Variants in KNOP1 observed in about 807,000 individuals in gnomAD.
KNOP1 encodes the protein lysine rich nucleolar protein 1, also known as lysine-rich nucleolar protein 1.
Under a neutral mutation model 30.6 loss-of-function variants are expected in KNOP1, and 20 were observed. The observed-to-expected ratio is 0.65, with a 90% CI of 0.46 to 0.95. The LOEUF (loss-of-function observed/expected upper bound fraction) is 0.95, where lower values mean the gene tolerates loss of function less well. KNOP1 is among the 40% of genes least tolerant of loss of function. The pLI is 0.00. For missense variants in KNOP1, 540 were observed against 562.0 expected (o/e 0.96, Z 0.40); for synonymous variants, 204 against 210.0 (o/e 0.97, Z 0.25).
At position 19,710,581 on chromosome 16, in the gene KNOP1, C is replaced by T; in HGVS notation, c.993G>A (p.Arg331=). ...CGATCTCTTCTTGCAAGGCCTTTCG[C>T]CTCACCTGAGCAAGAAGGATGACAG... ...NMDEAHIDQV[R]RKALQEEIDR... is the part of the protein sequence containing the mutation. Residue 331 remains arginine (R), a synonymous_variant, in exon 4 of 5, where the codon AGG becomes AGA. Coordinates refer to ENST00000219837, the MANE Select transcript of KNOP1 (RefSeq NM_001012991.3). 6.2e-7 allele frequency: 1 copy of T among 1,612,098 alleles called. No homozygotes were observed. The highest frequency in any genetic ancestry group is 8.5e-7 in the Non-Finnish European group (1 of 1,179,910).
Position 19,707,070 on chromosome 16 carries a change from T to C in KNOP1, c.1217A>G (p.Lys406Arg). ...TIARPNMALG[K>R]KAADSLQQNL... ...CTGCTGCAGGCTGTCAGCCGCCTTC[T>C]TGCCGAGGGCCATGTTGGGCCTTGC... The change falls in exon 5 of 5, where the codon AAG becomes AGG. Residue 406 changes from lysine to arginine, a missense_variant. Transcript: ENST00000219837. 4.3e-6 allele frequency: 7 copies of C among 1,614,190 alleles called. No homozygotes were observed. The highest frequency in any genetic ancestry group is 5.9e-6 in the Non-Finnish European group (7 of 1,180,036).
Position 19,703,621 on chromosome 16 carries a change from T to G in KNOP1, c.*3289A>C, listed in dbSNP as rs1406297659. On this transcript the variant is annotated 3_prime_UTR_variant, in exon 5 of 5. Coordinates refer to ENST00000219837, the MANE Select transcript of KNOP1 (RefSeq NM_001012991.3). ...TGTCACCCAGGCTGGAACACAGTGG[T>G]GCAATCATGGCTCACTGCAGCCGTG... The G allele has an allele frequency of 1.3e-5, 2 of 151,196 alleles. No individual in the cohort carries two copies. The highest frequency in any genetic ancestry group is 2.9e-5 in the Non-Finnish European group (2 of 67,880). 9.4% of individuals were successfully genotyped at this position (151,196 alleles called of 1,614,324 possible).
rs775225320 is a variant in KNOP1 at position 19,707,032 on chromosome 16, C to T, written c.1255G>A (p.Asp419Asn). 3 of 1,614,144 alleles carry T rather than the reference C, an allele frequency of 1.9e-6. No individual in the cohort carries two copies. The highest frequency in any genetic ancestry group is 3.3e-5 in the Admixed American group (2 of 60,020). ...TTCCAGCTCATGGCCCGGTCGTAGT[C>T]CCGCTGCAGATTCTGCTGCAGGCTG... ...ADSLQQNLQR[D>N]YDRAMSWKYS... is the part of the protein sequence containing the mutation. Residue 419 changes from aspartate (D) to asparagine (N), a missense_variant, in exon 5 of 5, where the codon GAC becomes AAC. Coordinates refer to ENST00000219837, the MANE Select transcript of KNOP1 (RefSeq NM_001012991.3).
In KNOP1 at chr16:19,705,618, G is replaced by A. The variant is rs778959359; in HGVS notation, c.*1292C>T. ...TCATCAGACACATCCCTGGGGCTGG[G>A]CACAGTGGCTCACACCTGTGATCCC... is the stretch of plus-strand genomic sequence containing the variant. On this transcript the variant is annotated 3_prime_UTR_variant, in exon 5 of 5. Transcript: ENST00000219837. 1 of 245,382 alleles carries A rather than the reference G, an allele frequency of 4.1e-6. No homozygotes were observed. Among genetic ancestry groups the A allele is most frequent in the Non-Finnish European group, 8.0e-6 (1 of 124,278 alleles). The allele number at this position is 245,382 out of a possible 1,614,324, so 15.2% of individuals were successfully genotyped here. A position where few individuals can be genotyped will look rare whatever the true frequency, so the allele number is the denominator to read the frequency against.
chr16:19,705,624 T>C lies in KNOP1; in HGVS notation c.*1286A>G, dbSNP rs570311053. On this transcript the variant is annotated 3_prime_UTR_variant, in exon 5 of 5. Transcript: ENST00000219837. Reference sequence around the variant, plus strand: ...GACACATCCCTGGGGCTGGGCACAGTGGCTCACACCTGTGATCCCAGCTCT... The same window carrying C: ...GACACATCCCTGGGGCTGGGCACAGCGGCTCACACCTGTGATCCCAGCTCT... 1 of 239,336 alleles carries C rather than the reference T, an allele frequency of 4.2e-6. No individual in the cohort carries two copies. Among genetic ancestry groups the C allele is most frequent in the Admixed American group, 5.2e-5 (1 of 19,278 alleles). The allele number at this position is 239,336 out of a possible 1,614,324, so 14.8% of individuals were successfully genotyped here.
In KNOP1 at chr16:19,705,727, A is replaced by C. The variant is rs1976328562; in HGVS notation, c.*1183T>G. On this transcript the variant is annotated 3_prime_UTR_variant, in exon 5 of 5. Transcript: ENST00000219837. ...GACAATATAGTGAGACCCCATCTCT[A>C]CAAAAAATTTTAAACACTAGCTGGT... 1 of 156,090 alleles carries C rather than the reference A, an allele frequency of 6.4e-6. No homozygotes were observed. 9.7% of individuals were successfully genotyped at this position (156,090 alleles called of 1,614,324 possible).
intron 2 of KNOP1, among the ~76,000 whole-genome samples, chr16:19,712,974 T>C (rs1976796771): frequency 6.6e-6 from 1 of 152,104 alleles, no homozygotes; most frequent in Non-Finnish European, 1.5e-5. Flanking sequence ...TCTGTGGTTT[T>C]CACCAAGCCA....
In KNOP1 at chr16:19,705,471, G is replaced by A. The variant is rs1173276819; in HGVS notation, c.*1439C>T. 3.1e-6 allele frequency: 1 copy of A among 324,498 alleles called. No individual in the cohort carries two copies. The highest frequency in any genetic ancestry group is 6.1e-6 in the Non-Finnish European group (1 of 163,984). The allele number at this position is 324,498 out of a possible 1,614,324, so 20.1% of individuals were successfully genotyped here. On this transcript the variant is annotated 3_prime_UTR_variant, in exon 5 of 5. Transcript: ENST00000219837. ...TGCTGTAGAGTCCAGGCTTGGAAAC[G>A]CTGTCCCCACAGCCGATGAGGCAAC...
rs149005860 is a variant in KNOP1 at position 19,709,752 on chromosome 16, C to T, written c.1065+757G>A. On this transcript the variant is annotated intron_variant, in intron 4 of 4. Coordinates refer to ENST00000219837, the MANE Select transcript of KNOP1 (RefSeq NM_001012991.3). ...TGCACCCTGAACATCTCTGGACAAG[C>T]GCTGCCACCTCCCAGCCCTCGCCCA... 1.3e-4 allele frequency among the ~76,000 whole-genome samples: 20 copies of T among 152,314 alleles called. 1 individual carries two copies. The East Asian group carries it at 2.9e-3, about 22-fold the overall frequency.
intron 3 of KNOP1, 90 bp from the exon 4 acceptor site, chr16:19,710,676 G>T: frequency 2.0e-6 from 2 of 1,015,946 alleles, no homozygotes; most frequent in Non-Finnish European, 1.5e-6. Flanking sequence ...TGGGGGAACG[G>T]AACGTGGGAG....
Position 19,703,008 on chromosome 16 carries a change from A to G in KNOP1, c.*3902T>C, listed in dbSNP as rs1170236655. The G allele has an allele frequency of 2.2e-5, 2 of 91,866 alleles. No homozygotes were observed. The highest frequency in any genetic ancestry group is 1.9e-4 in the Admixed American group (2 of 10,554). The allele number at this position is 91,866 out of a possible 1,614,324, so 5.7% of individuals were successfully genotyped here. On this transcript the variant is annotated 3_prime_UTR_variant, in exon 5 of 5. Coordinates refer to ENST00000219837, the MANE Select transcript of KNOP1 (RefSeq NM_001012991.3). ...GAGTGAGACTGTCTCAAAAAAAAAA[A>G]AAGAAAGAAAAACAAAACCATGGCA...
At chr16:19,715,172 T>G (rs1465539765) in intron 1 of KNOP1, 135 bp from the exon 2 acceptor site, 2 of 591,410 alleles carry the variant, frequency 3.4e-6, no homozygotes, top group East Asian at 2.9e-5. Context: ...ACATGATTCC[T>G]TTAAAGCAAA....
intron 1 of KNOP1, 123 bp from the exon 2 acceptor site, chr16:19,715,160 G>A (rs959812556): frequency 1.6e-6 from 1 of 635,616 alleles, no homozygotes; most frequent in Non-Finnish European, 2.6e-6. Flanking sequence ...CAGGGAAAAT[G>A]GACATGATTC....
At chr16:19,713,674 A>G (rs1336859978) in intron 2 of KNOP1, among the ~76,000 whole-genome samples, 1 of 152,194 alleles carries the variant, frequency 6.6e-6, no homozygotes, top group Non-Finnish European at 1.5e-5. Flanking sequence ...TTTGATGTAT[A>G]AATTGTGTAT....
rs1413264887 is a variant in KNOP1, at chr16:19,705,581, TAAA to T, written c.*1326_*1328del. On this transcript the variant is annotated 3_prime_UTR_variant, in exon 5 of 5. Coordinates refer to ENST00000219837, the MANE Select transcript of KNOP1 (RefSeq NM_001012991.3). ...TCACCTGGGATTCTCTTCCTTGTGA[TAAA>T]AAAGAATCTCATCAGACACATCCCT... is the stretch of plus-strand genomic sequence containing the variant. The T allele has an allele frequency of 3.6e-6, 1 of 279,754 alleles. No individual in the cohort carries two copies. Among genetic ancestry groups the T allele is most frequent in the African/African-American group, 2.2e-5 (1 of 44,926 alleles). 17.3% of individuals were successfully genotyped at this position (279,754 alleles called of 1,614,324 possible). A position where few individuals can be genotyped will look rare whatever the true frequency, so the allele number is the denominator to read the frequency against.
chr16:19,717,568 G>A, intron 1 of KNOP1: 1 of 985,452 alleles, frequency 1.0e-6, no homozygotes, highest in Non-Finnish European at 1.2e-6. Context: ...ATTTAGAAAA[G>A]TATAGCATCC....
At chr16:19,717,969 G>A (rs1464910939) in intron 1 of KNOP1, 189 bp downstream of exon 1, 3 of 1,264,782 alleles carry the variant, frequency 2.4e-6, no homozygotes, top group African/African-American at 1.6e-5. Context: ...GGGGTCCCAG[G>A]GCCGGCTCTG....
At chr16:19,717,977 C>T in intron 1 of KNOP1, 181 bp downstream of exon 1, 1 of 1,286,248 alleles carries the variant, frequency 7.8e-7, no homozygotes, top group East Asian at 4.2e-5. Flanking sequence ...AGGGCCGGCT[C>T]TGAGGCGGGA....
At position 19,705,431 on chromosome 16, in the gene KNOP1, G is replaced by C. The variant is rs1217576446; in HGVS notation, c.*1479C>G. The stretch of plus-strand genomic sequence containing the variant: ...CATGCGACTTGGGCCACTGGACCTG[G>C]AGCTCTTTGAGGCTTGCTGTAGAGT... On this transcript the variant is annotated 3_prime_UTR_variant, in exon 5 of 5. Transcript: ENST00000219837. 1.4e-5 allele frequency: 5 copies of C among 365,170 alleles called. No homozygotes were observed. Among genetic ancestry groups the C allele is most frequent in the African/African-American group, 1.1e-4 (5 of 47,048 alleles). 22.6% of individuals were successfully genotyped at this position (365,170 alleles called of 1,614,324 possible). A position where few individuals can be genotyped will look rare whatever the true frequency, so the allele number is the denominator to read the frequency against.
Sources: allele counts gnomAD v4.1 joint callset (sites outside exome capture counted in the v4.1 genomes callset), GRCh38; gene constraint gnomAD v4.1.1; transcripts MANE v1.5; gene names NCBI Gene and HGNC (gene_info 2026-07-23, HGNC 2026-07-21).